The following GPC5 variants were observed in gnomAD, a reference collection of about 807,000 sequenced individuals.
GPC5 encodes glypican-5.
A neutral mutation model predicts 53.9 loss-of-function variants in GPC5; 47 were observed. That is an observed-to-expected ratio of 0.87 (90% confidence interval 0.69 to 1.11). GPC5 has a LOEUF of 1.11. Ranked by LOEUF, GPC5 falls within the 50% of genes most tolerant of loss-of-function variation. GPC5 has a pLI of 0.00. For synonymous variants in GPC5, 286 were observed against 263.3 expected (o/e 1.09, Z -0.84); for missense variants, 748 against 713.1 (o/e 1.05, Z -0.56).
Position 91,525,477 on chromosome 13 carries a change from G to A in GPC5, c.325+76555G>A, listed in dbSNP as rs559678287. ...AGCAAAATTTATGCTTCTGAAACCA[G>A]CTAGGTTTCTGCCTGATTTCTTGAA... On this transcript the variant is annotated intron_variant, in intron 2 of 7. Coordinates refer to ENST00000377067, the MANE Select transcript of GPC5 (RefSeq NM_004466.6). Among the ~76,000 whole-genome samples the A allele has an allele frequency of 1.1e-4, 16 of 152,222 alleles. No individual in the cohort carries two copies. In the South Asian group the frequency reaches 3.3e-3, roughly 32 times the overall value.
rs372117712 is a variant in GPC5, at chr13:91,738,887, ATACT to A, written c.1154+10229_1154+10232del. ...CCAGGACAACTACTGCTATATAATA[ATACT>A]TACTTATAATTTCTCACACATTTTA... On this transcript the variant is annotated intron_variant, in intron 4 of 7. Transcript: ENST00000377067. Among the ~76,000 whole-genome samples the A allele has an allele frequency of 1.5e-4, 23 of 151,430 alleles. No homozygotes were observed. The South Asian group carries it at 3.1e-3, about 20-fold the overall frequency.
intron 2 of GPC5, among the ~76,000 whole-genome samples, chr13:91,604,539 C>CA (rs1477507365): frequency 7.0e-6 from 1 of 142,182 alleles, no homozygotes; most frequent in Non-Finnish European, 1.5e-5. Context: ...CTGACTTCCA[C>CA]AATGGTTGAA....
intron 5 of GPC5, among the ~76,000 whole-genome samples, chr13:91,854,781 A>G (rs1394515207): frequency 6.6e-6 from 1 of 151,910 alleles, no homozygotes; most frequent in Non-Finnish European, 1.5e-5. Context: ...TTTTTGTAAA[A>G]TGTTTATATT....
At chr13:91,721,151 G>T (rs1174281612) in intron 3 of GPC5, among the ~76,000 whole-genome samples, 1 of 137,406 alleles carries the variant, frequency 7.3e-6, no homozygotes, top group Non-Finnish European at 1.5e-5. Context: ...TTTTGGGTGG[G>T]GGGACTGAGT....
At chr13:92,314,198 G>C (rs1335956115) in intron 7 of GPC5, among the ~76,000 whole-genome samples, 1 of 152,068 alleles carries the variant, frequency 6.6e-6, no homozygotes, top group African/African-American at 2.4e-5. Context: ...GCAGCTAGGT[G>C]GTTGCTAGGT....
Position 92,397,124 on chromosome 13 carries a change from T to C in GPC5, c.1561+252135T>C, listed in dbSNP as rs534871723. 3.7e-4 allele frequency among the ~76,000 whole-genome samples: 57 copies of C among 152,362 alleles called. 1 individual carries two copies. The South Asian group carries it at 5.8e-3, about 15-fold the overall frequency. On this transcript the variant is annotated intron_variant, in intron 7 of 7. Transcript: ENST00000377067. ...TTCTCACTGTTAACACTTGTCCCAC[T>C]GAACCTCTAGCAATTTGTCAAAGTT...
At chr13:92,574,845 G>T (rs184175770) in intron 7 of GPC5, among the ~76,000 whole-genome samples, 111 of 152,254 alleles carry the variant, frequency 7.3e-4, no homozygotes, top group African/African-American at 2.5e-3. Flanking sequence ...TTATTTGCTG[G>T]TCTTATCTAG....
chr13:92,864,188 G>A (rs1344327955), intron 7 of GPC5, among the ~76,000 whole-genome samples: 3 of 152,106 alleles, frequency 2.0e-5, no homozygotes, highest in Non-Finnish European at 4.4e-5. Flanking sequence ...GGCCATGACT[G>A]CCAGGCTCTT....
intron 1 of GPC5, among the ~76,000 whole-genome samples, chr13:91,426,772 C>T (rs1334193173): frequency 6.6e-6 from 1 of 152,172 alleles, no homozygotes; most frequent in Non-Finnish European, 1.5e-5. Flanking sequence ...TGGTGCCCAC[C>T]AAGATTGAGG....
chr13:92,526,783 T>C (rs1469335945), intron 7 of GPC5, among the ~76,000 whole-genome samples: 1 of 151,866 alleles, frequency 6.6e-6, no homozygotes, highest in Admixed American at 6.6e-5. Context: ...AGATTTGAAA[T>C]GTGTTTTAGG....
chr13:92,280,289 T>A (rs1351468615), intron 7 of GPC5, among the ~76,000 whole-genome samples: 2 of 152,184 alleles, frequency 1.3e-5, no homozygotes, highest in Non-Finnish European at 2.9e-5. Context: ...ATTTTGCTGA[T>A]CTTTTCAAAG....
rs1376533020 is a variant in GPC5, at chr13:91,586,527, TATATATATATATATATATATATATATA to T, written c.326-106659_326-106633del. 9.8e-4 allele frequency among the ~76,000 whole-genome samples: 32 copies of T among 32,510 alleles called. 1 individual carries two copies. Among genetic ancestry groups the T allele is most frequent in the African/African-American group, 9.1e-3 (28 of 3,086 alleles). The allele number at this position is 32,510 out of a possible 152,430, so 21.3% of individuals were successfully genotyped here. A position where few individuals can be genotyped will look rare whatever the true frequency, so the allele number is the denominator to read the frequency against. ...ATATATATATATATATATATATATA[TATATATATATATATATATATATATATA>T]TATATATGTAGAGAGAGAGAGAGAG... On this transcript the variant is annotated intron_variant, in intron 2 of 7. Transcript: ENST00000377067.
At chr13:92,618,293 A>T (rs1298447953) in intron 7 of GPC5, among the ~76,000 whole-genome samples, 1 of 152,148 alleles carries the variant, frequency 6.6e-6, no homozygotes, top group Non-Finnish European at 1.5e-5. Context: ...TGTCATAAAT[A>T]ATCTGATCAC....
At chr13:91,629,398 T>A (rs1308851076) in intron 2 of GPC5, among the ~76,000 whole-genome samples, 1 of 152,152 alleles carries the variant, frequency 6.6e-6, no homozygotes, top group African/African-American at 2.4e-5. Flanking sequence ...ATCCTGGCAC[T>A]TTGGGATGTC....
At chr13:91,542,991 G>A (rs1212965814) in intron 2 of GPC5, among the ~76,000 whole-genome samples, 1 of 151,826 alleles carries the variant, frequency 6.6e-6, no homozygotes. Context: ...CGAGTAGGTG[G>A]GACTACAGGC....
chr13:92,313,312 T>C (rs887224465), intron 7 of GPC5, among the ~76,000 whole-genome samples: 4 of 152,122 alleles, frequency 2.6e-5, no homozygotes, highest in East Asian at 1.9e-4. Context: ...CCAATATTGA[T>C]TCCTGGGAAC....
At chr13:91,576,673 A>G (rs758571764) in intron 2 of GPC5, among the ~76,000 whole-genome samples, 8 of 152,180 alleles carry the variant, frequency 5.3e-5, no homozygotes, top group Non-Finnish European at 1.2e-4. Context: ...ATGTGTTTCC[A>G]GAGCCTGATG....
chr13:91,929,864 A>G (rs1168401542), intron 6 of GPC5, among the ~76,000 whole-genome samples: 12 of 152,192 alleles, frequency 7.9e-5, no homozygotes, highest in South Asian at 6.2e-4. Context: ...TACATAGAAC[A>G]TCAGAGCACT....
chr13:92,400,925 T>A (rs1397184227), intron 7 of GPC5, among the ~76,000 whole-genome samples: 1 of 34,142 alleles, frequency 2.9e-5, no homozygotes, highest in Admixed American at 2.6e-4. Flanking sequence ...GGATGGGTCT[T>A]TTTTTTTTGC....
Sources: allele counts gnomAD v4.1 joint callset (sites outside exome capture counted in the v4.1 genomes callset), GRCh38; gene constraint gnomAD v4.1.1; transcripts MANE v1.5; gene names NCBI Gene and HGNC (gene_info 2026-07-23, HGNC 2026-07-21).